EHD4: variants seen among roughly 807,000 people sequenced by gnomAD.
EHD4 encodes EH domain-containing protein 4.
EHD4 carries 37 observed loss-of-function variants against 51.0 expected under a neutral mutation model. The observed-to-expected ratio is 0.73, with a 90% CI of 0.56 to 0.95. The LOEUF is 0.95. Among genes scored for constraint, EHD4 ranks in the 40% least tolerant of loss-of-function variants. The probability of loss-of-function intolerance (pLI) is 0.00; values close to 1 mark genes in which losing one functional copy is unlikely to be tolerated. For synonymous variants in EHD4, 297 were observed against 317.3 expected (o/e 0.94, Z 0.68); for missense variants, 632 against 733.1 (o/e 0.86, Z 1.59).
intron 1 of EHD4, among the ~76,000 whole-genome samples, chr15:41,967,736 A>G (rs1780219360): frequency 6.6e-6 from 1 of 152,238 alleles, no homozygotes; most frequent in African/African-American, 2.4e-5. Flanking sequence ...GGAATGAAGC[A>G]GGCCTTTGTT....
chr15:41,945,256 CAA>C (rs1205640845), intron 2 of EHD4, among the ~76,000 whole-genome samples: 3 of 152,170 alleles, frequency 2.0e-5, no homozygotes, highest in African/African-American at 7.2e-5. Context: ...TCCATTTTTC[CAA>C]AACAGCCACC....
At chr15:41,937,452 T>A (rs1239588448) in intron 3 of EHD4, among the ~76,000 whole-genome samples, 1 of 152,232 alleles carries the variant, frequency 6.6e-6, no homozygotes, top group Non-Finnish European at 1.5e-5. Context: ...TACAGCGCCC[T>A]GCCTTGGCTG....
At chr15:41,934,014 G>C (rs2067715279) in intron 3 of EHD4, among the ~76,000 whole-genome samples, 1 of 152,084 alleles carries the variant, frequency 6.6e-6, no homozygotes, top group Non-Finnish European at 1.5e-5. Context: ...TAGTCACAGA[G>C]CCTGCCCCAC....
intron 3 of EHD4, among the ~76,000 whole-genome samples, chr15:41,934,746 A>C (rs1420436992): frequency 6.6e-6 from 1 of 152,210 alleles, no homozygotes; most frequent in Non-Finnish European, 1.5e-5. Flanking sequence ...AGGCTGGCCT[A>C]GAACATATAT....
intron 1 of EHD4, 105 bp downstream of exon 1, chr15:41,972,154 A>G: frequency 1.7e-6 from 2 of 1,180,782 alleles, no homozygotes; most frequent in Non-Finnish European, 1.1e-6. Context: ...GGGGTCCCCG[A>G]GGTCGCGCCG....
At position 41,900,686 on chromosome 15, in the gene EHD4, C is replaced by A; in HGVS notation, c.1585G>T (p.Val529Leu). The change falls in exon 6 of 6, where the codon GTG becomes TTG. Residue 529 changes from valine (V) to leucine (L), a missense_variant. Val to Leu is a conservative substitution (Grantham distance 32, BLOSUM62 1). Coordinates refer to ENST00000220325, the MANE Select transcript of EHD4 (RefSeq NM_139265.4). The surrounding 1 kb of genome is among the most constrained non-coding windows in gnomAD (Gnocchi z 4.8). ...ELPSSLPPHL[V>L]PPSHRKSLPK... Reference sequence around the variant, plus strand: ...AGGGACTTCCTGTGCGAGGGGGGCACGAGGTGGGGGGGCAGGCTGCTGGGC... The same window carrying A: ...AGGGACTTCCTGTGCGAGGGGGGCAAGAGGTGGGGGGGCAGGCTGCTGGGC... 19 of 1,603,930 alleles carry A rather than the reference C, an allele frequency of 1.2e-5. No homozygotes were observed. Among genetic ancestry groups the A allele is most frequent in the Non-Finnish European group, 1.6e-5 (19 of 1,178,756 alleles).
rs556013441 is a variant in EHD4, at chr15:41,902,639, T to C, written c.1090-1458A>G. On this transcript the variant is annotated intron_variant, in intron 5 of 5. Coordinates refer to ENST00000220325, the MANE Select transcript of EHD4 (RefSeq NM_139265.4). ...AAAGGGAGAGAGGGGCCAGGCTCAG[T>C]GGCTCACACCTGTAATCCCAGCACT... 2.6e-5 allele frequency among the ~76,000 whole-genome samples: 4 copies of C among 152,074 alleles called. No individual in the cohort carries two copies. In the South Asian group the frequency reaches 8.3e-4, roughly 32 times the overall value.
Position 41,972,436 on chromosome 15 carries a change from G to C in EHD4, c.59C>G (p.Ala20Gly). ...CAGCCCGCCCGTCACCGTCTGCACC[G>C]CGTCCGCGCCGCCAGCGCGTTCGCG... is the stretch of plus-strand genomic sequence containing the variant. ...GGRERAGGAD[A>G]VQTVTGGLRS... Residue 20 changes from alanine (A) to glycine (G), a missense_variant, in exon 1 of 6, where the codon GCG (alanine) becomes GGG (glycine). Ala to Gly is a moderately conservative substitution (Grantham distance 60). Transcript: ENST00000220325. 1 of 1,591,778 alleles carries C rather than the reference G, an allele frequency of 6.3e-7. No homozygotes were observed. Among genetic ancestry groups the C allele is most frequent in the Non-Finnish European group, 8.5e-7 (1 of 1,170,962 alleles).
chr15:41,945,735 G>T (rs1187469591), intron 2 of EHD4, among the ~76,000 whole-genome samples: 2 of 152,250 alleles, frequency 1.3e-5, no homozygotes, highest in Non-Finnish European at 2.9e-5. Flanking sequence ...AATCCTAATG[G>T]TGTTCTAGCA....
At chr15:41,922,475 G>C (rs934814185) in intron 3 of EHD4, among the ~76,000 whole-genome samples, 5 of 152,176 alleles carry the variant, frequency 3.3e-5, no homozygotes, top group African/African-American at 1.2e-4. Context: ...ACCTCTTACT[G>C]TCGGTTCCGA....
At chr15:41,920,843 T>C (rs1256172560) in intron 3 of EHD4, among the ~76,000 whole-genome samples, 1 of 152,158 alleles carries the variant, frequency 6.6e-6, no homozygotes, top group Non-Finnish European at 1.5e-5. Context: ...TCATGTAAAA[T>C]GTTAAAATAC....
intron 3 of EHD4, among the ~76,000 whole-genome samples, chr15:41,920,176 A>G (rs4924588): frequency 0.28 from 42,833 of 152,162 alleles, 7,054 homozygotes; most frequent in Admixed American, 0.4. Flanking sequence ...GTTGTGATCA[A>G]TATTTATCTT....
Position 41,926,471 on chromosome 15 carries a change from C to A in EHD4, c.512-6849G>T, listed in dbSNP as rs189934477. On this transcript the variant is annotated intron_variant, in intron 3 of 5. Transcript: ENST00000220325. ...TTTCTGTGTGGCTCTGTCTGTGCAACCCCAGGCTCTCCTGGCTGCATGTTC... is the reference window on the plus strand; with the variant it reads ...TTTCTGTGTGGCTCTGTCTGTGCAAACCCAGGCTCTCCTGGCTGCATGTTC... Among the ~76,000 whole-genome samples, 7 of 152,302 alleles carry A rather than the reference C, an allele frequency of 4.6e-5. No homozygotes were observed. In the East Asian group the frequency reaches 9.7e-4, roughly 21 times the overall value.
intron 5 of EHD4, among the ~76,000 whole-genome samples, chr15:41,904,395 C>T (rs1402519684): frequency 6.6e-6 from 1 of 151,858 alleles, no homozygotes; most frequent in African/African-American, 2.4e-5. Flanking sequence ...GCGGGGGCAC[C>T]AGTTAAACCA....
chr15:41,935,538 A>C (rs1010035144), intron 3 of EHD4, among the ~76,000 whole-genome samples: 1 of 152,238 alleles, frequency 6.6e-6, no homozygotes, highest in Admixed American at 6.5e-5. Context: ...AAAGGAAAAA[A>C]ATAGGAGATT....
rs143740034 is a variant in EHD4, at chr15:41,933,171, A to G, written c.511+9896T>C. On this transcript the variant is annotated intron_variant, in intron 3 of 5. Coordinates refer to ENST00000220325, the MANE Select transcript of EHD4 (RefSeq NM_139265.4). ...CACCTCCCTCTGTCTTTCTAAGGAA[A>G]ATACAGATGCTCCCTGAAAGCCTTG... Among the ~76,000 whole-genome samples, 295 of 152,302 alleles carry G rather than the reference A, an allele frequency of 1.9e-3. 1 individual carries two copies. The highest frequency in any genetic ancestry group is 6.7e-3 in the African/African-American group (277 of 41,566).
chr15:41,944,253 C>T (rs183493284), intron 2 of EHD4, among the ~76,000 whole-genome samples: 3 of 152,314 alleles, frequency 2.0e-5, no homozygotes, highest in Admixed American at 2.0e-4. Context: ...GACTGAGTAA[C>T]TCCAAAAGTG....
chr15:41,931,960 C>A lies in EHD4; in HGVS notation c.511+11107G>T, dbSNP rs188819498. Among the ~76,000 whole-genome samples, 723 of 152,166 alleles carry A rather than the reference C, an allele frequency of 4.8e-3. 7 individuals carry two copies. Among genetic ancestry groups the A allele is most frequent in the Non-Finnish European group, 4.9e-3 (331 of 67,988 alleles). On this transcript the variant is annotated intron_variant, in intron 3 of 5. Coordinates refer to ENST00000220325, the MANE Select transcript of EHD4 (RefSeq NM_139265.4). ...AAAGTGCTGGGATTACAGGTGTGAG[C>A]CGCCGCGCCCAGCCAGCAATTTCTT...
chr15:41,904,527 T>C (rs950341906), intron 5 of EHD4, among the ~76,000 whole-genome samples: 19 of 152,132 alleles, frequency 1.2e-4, no homozygotes, highest in Non-Finnish European at 2.6e-4. Context: ...TATTTGCCCA[T>C]CAACAGTTGT....
Sources: allele counts gnomAD v4.1 joint callset (sites outside exome capture counted in the v4.1 genomes callset), GRCh38; gene constraint gnomAD v4.1.1; non-coding constraint Gnocchi (gnomAD v3.1); transcripts MANE v1.5; gene names NCBI Gene and HGNC (gene_info 2026-07-23, HGNC 2026-07-21).